The following ANKMY2 variants were observed in gnomAD, a reference collection of about 807,000 sequenced individuals.
ANKMY2 encodes the protein ankyrin repeat and MYND domain-containing protein 2.
Under a neutral mutation model 50.4 loss-of-function variants are expected in ANKMY2, and 36 were observed. The observed-to-expected ratio is 0.71, with a 90% CI of 0.55 to 0.94. ANKMY2 has a LOEUF of 0.94. Among genes scored for constraint, ANKMY2 ranks in the 40% least tolerant of loss-of-function variants. The pLI is 0.00. For synonymous variants in ANKMY2, 187 were observed against 178.8 expected (o/e 1.05, Z -0.36); for missense variants, 565 against 524.0 (o/e 1.08, Z -0.76).
At chr7:16,604,587 A>G in intron 8 of ANKMY2, 134 bp downstream of exon 8, 13 of 1,193,746 alleles carry the variant, frequency 1.1e-5, no homozygotes, top group Non-Finnish European at 1.5e-5. Flanking sequence ...CTTTTTAAGT[A>G]TTAAATAGAA....
At chr7:16,639,912 C>A (rs995339646) in intron 1 of ANKMY2, among the ~76,000 whole-genome samples, 3 of 152,100 alleles carry the variant, frequency 2.0e-5, no homozygotes, top group Non-Finnish European at 4.4e-5. Context: ...GTAATCACAG[C>A]ACTTTGGGAG....
intron 4 of ANKMY2, among the ~76,000 whole-genome samples, chr7:16,616,777 G>A (rs1285876229): frequency 1.3e-5 from 2 of 152,362 alleles, no homozygotes; most frequent in East Asian, 3.9e-4. Flanking sequence ...CAGACGCCAT[G>A]GCCCCCGCTC....
intron 2 of ANKMY2, among the ~76,000 whole-genome samples, chr7:16,633,945 G>A (rs1288445040): frequency 6.6e-6 from 1 of 151,742 alleles, no homozygotes; most frequent in Non-Finnish European, 1.5e-5. Context: ...TTATGTTCTT[G>A]GTGTATTATT....
rs754089958 is a variant in ANKMY2 at position 16,627,133 on chromosome 7, C to A, written c.178G>T (p.Asp60Tyr). Residue 60 changes from aspartate to tyrosine, a missense_variant, in exon 3 of 10, where the codon GAT becomes TAT. Transcript: ENST00000306999. ...LMHAAYKGKLDMCKLLLRHGA... is the reference protein window; with the variant it reads ...LMHAAYKGKLYMCKLLLRHGA... ...TGTCGCAGTAGTAATTTGCACATATCGAGTTTTCCTTTATATGCTGCATGC... is the reference window on the plus strand; with the variant it reads ...TGTCGCAGTAGTAATTTGCACATATAGAGTTTTCCTTTATATGCTGCATGC... 5.0e-6 allele frequency: 8 copies of A among 1,610,356 alleles called. No individual in the cohort carries two copies. The Admixed American group carries it at 1.3e-4, about 27-fold the overall frequency.
At chr7:16,640,693 T>C (rs1467970156) in intron 1 of ANKMY2, among the ~76,000 whole-genome samples, 2 of 151,980 alleles carry the variant, frequency 1.3e-5, no homozygotes, top group Non-Finnish European at 2.9e-5. Context: ...AGCTAATTTT[T>C]ACATTTTTTG....
At chr7:16,644,654 CAGA>C (rs1781794983) in intron 1 of ANKMY2, 1 of 470,808 alleles carries the variant, frequency 2.1e-6, no homozygotes, top group Non-Finnish European at 4.4e-6. Flanking sequence ...CGTGAGGGTG[CAGA>C]AGAAGCATGC....
intron 8 of ANKMY2, among the ~76,000 whole-genome samples, chr7:16,603,205 A>G (rs1781099735): frequency 6.6e-6 from 1 of 152,204 alleles, no homozygotes; most frequent in Non-Finnish European, 1.5e-5. Flanking sequence ...GTACAATGAC[A>G]AGGAAGATAG....
At chr7:16,616,550 T>C (rs1781352465) in intron 4 of ANKMY2, among the ~76,000 whole-genome samples, 1 of 141,796 alleles carries the variant, frequency 7.1e-6, no homozygotes, top group Non-Finnish European at 1.5e-5. Flanking sequence ...AAGCTGCTGG[T>C]TTGCAAGTGT....
At chr7:16,617,497 G>T (rs1308343470) in intron 4 of ANKMY2, among the ~76,000 whole-genome samples, 5 of 152,114 alleles carry the variant, frequency 3.3e-5, no homozygotes, top group African/African-American at 4.8e-5. Flanking sequence ...AAGTGTGTGG[G>T]TAACATTTAC....
chr7:16,603,580 C>T (rs1234620810), intron 8 of ANKMY2: 2 of 470,834 alleles, frequency 4.2e-6, no homozygotes, highest in African/African-American at 4.0e-5. Flanking sequence ...GGCCCTTATA[C>T]ATATATTGTA....
intron 5 of ANKMY2, among the ~76,000 whole-genome samples, chr7:16,611,966 G>C (rs1369916002): frequency 1.3e-5 from 2 of 152,160 alleles, no homozygotes; most frequent in African/African-American, 4.8e-5. Flanking sequence ...TATTTGCTGA[G>C]AGCTTTCCTT....
intron 5 of ANKMY2, among the ~76,000 whole-genome samples, chr7:16,613,837 G>A (rs1781296323): frequency 6.6e-6 from 1 of 150,880 alleles, no homozygotes; most frequent in Non-Finnish European, 1.5e-5. Context: ...TCAGGAGGCT[G>A]AGGCAGGAGA....
intron 7 of ANKMY2, among the ~76,000 whole-genome samples, chr7:16,606,585 C>A (rs1583667230): frequency 1.3e-5 from 2 of 152,136 alleles, no homozygotes; most frequent in South Asian, 4.1e-4. Flanking sequence ...TTGTTCCAAA[C>A]CAGCATTTTG....
At position 16,600,516 on chromosome 7, in the gene ANKMY2, G is replaced by T; in HGVS notation, c.*245C>A. On this transcript the variant is annotated 3_prime_UTR_variant, in exon 10 of 10. Coordinates refer to ENST00000306999, the MANE Select transcript of ANKMY2 (RefSeq NM_020319.3). Reference sequence around the variant, plus strand: ...AAAGCCAGCCTCAGAAAGGTAATAGGAATGTTTTTCCTGTATTTTGAAACA... The same window carrying T: ...AAAGCCAGCCTCAGAAAGGTAATAGTAATGTTTTTCCTGTATTTTGAAACA... 1 of 333,254 alleles carries T rather than the reference G, an allele frequency of 3.0e-6. No individual in the cohort carries two copies. The highest frequency in any genetic ancestry group is 5.4e-6 in the Non-Finnish European group (1 of 185,886). The allele number at this position is 333,254 out of a possible 1,614,324, so 20.6% of individuals were successfully genotyped here.
intron 8 of ANKMY2, among the ~76,000 whole-genome samples, chr7:16,602,965 G>A (rs1176368853): frequency 6.6e-6 from 1 of 152,150 alleles, no homozygotes; most frequent in African/African-American, 2.4e-5. Flanking sequence ...CATGCTTCCT[G>A]TATACCTTCA....
chr7:16,637,272 A>G (rs1325262525), intron 1 of ANKMY2, among the ~76,000 whole-genome samples: 2 of 152,254 alleles, frequency 1.3e-5, no homozygotes, highest in East Asian at 1.9e-4. Context: ...ATAAAAGAAT[A>G]GGTAAGTCTC....
chr7:16,630,247 C>A (rs1562465271), intron 2 of ANKMY2, among the ~76,000 whole-genome samples: 1 of 152,096 alleles, frequency 6.6e-6, no homozygotes, highest in African/African-American at 2.4e-5. Flanking sequence ...TATTTAAAAT[C>A]TCCAGAATTT....
chr7:16,641,288 A>G (rs534911219), intron 1 of ANKMY2, among the ~76,000 whole-genome samples: 1 of 152,286 alleles, frequency 6.6e-6, no homozygotes, highest in East Asian at 1.9e-4. Context: ...TATAACATGC[A>G]TTTTGAAATC....
intron 2 of ANKMY2, among the ~76,000 whole-genome samples, chr7:16,628,042 T>G (rs1210772785): frequency 6.6e-6 from 1 of 152,240 alleles, no homozygotes; most frequent in Non-Finnish European, 1.5e-5. Flanking sequence ...GGTCTCCATA[T>G]GCTTTGTGCA....
Sources: allele counts gnomAD v4.1 joint callset (sites outside exome capture counted in the v4.1 genomes callset), GRCh38; gene constraint gnomAD v4.1.1; transcripts MANE v1.5; gene names NCBI Gene and HGNC (gene_info 2026-07-23, HGNC 2026-07-21).